SNX29: variants seen among roughly 807,000 people sequenced by gnomAD.
SNX29 encodes the protein sorting nexin-29.
SNX29 carries 78 observed loss-of-function variants against 102.1 expected under a neutral mutation model. The observed-to-expected ratio is 0.76, with a 90% CI of 0.64 to 0.92. The LOEUF (loss-of-function observed/expected upper bound fraction) is 0.92. Among genes scored for constraint, SNX29 ranks in the 40% least tolerant of loss-of-function variants. SNX29 has a pLI of 0.00. For missense variants in SNX29, 1,280 were observed against 1,061.7 expected (o/e 1.21, Z -2.86); for synonymous variants, 580 against 414.5 (o/e 1.40, Z -4.85).
rs1416648890 is a variant in SNX29, at chr16:12,291,356, C to G, written c.1782+13320C>G. ...CAGCAAAGAGAAAGAGCTTGTGCAGCCCCTTATACAACTGTCAGATCTCGT... is the reference window on the plus strand; with the variant it reads ...CAGCAAAGAGAAAGAGCTTGTGCAGGCCCTTATACAACTGTCAGATCTCGT... On this transcript the variant is annotated intron_variant, in intron 15 of 20. Transcript: ENST00000566228. Among the ~76,000 whole-genome samples, 3 of 152,300 alleles carry G rather than the reference C, an allele frequency of 2.0e-5. No homozygotes were observed. The East Asian group carries it at 5.8e-4, about 29-fold the overall frequency.
chr16:12,189,499 G>A (rs1436583734), intron 13 of SNX29, among the ~76,000 whole-genome samples: 2 of 152,176 alleles, frequency 1.3e-5, no homozygotes, highest in Non-Finnish European at 2.9e-5. Flanking sequence ...GAATGTTGCA[G>A]AGGCGATGCA....
chr16:12,251,343 A>G (rs899988842), intron 14 of SNX29, among the ~76,000 whole-genome samples: 23 of 152,074 alleles, frequency 1.5e-4, no homozygotes, highest in Non-Finnish European at 7.4e-5. Context: ...AATATTATTG[A>G]CCCTCAGTGG....
At position 12,568,683 on chromosome 16, in the gene SNX29, C is replaced by G. The variant is rs570250100; in HGVS notation, c.*54C>G. On this transcript the variant is annotated 3_prime_UTR_variant, in exon 21 of 21. Transcript: ENST00000566228. ...GTGCGTGGCACCAGCTGCGTCCACC[C>G]CAGCCACTGCCGCTGGCCCCTCACC... 14 of 1,583,364 alleles carry G rather than the reference C, an allele frequency of 8.8e-6. No homozygotes were observed. The East Asian group carries it at 2.7e-4, about 31-fold the overall frequency.
At chr16:12,204,268 T>A (rs1268659478) in intron 14 of SNX29, among the ~76,000 whole-genome samples, 1 of 152,180 alleles carries the variant, frequency 6.6e-6, no homozygotes, top group Non-Finnish European at 1.5e-5. Flanking sequence ...TCCGCCAGCC[T>A]CCCCTGCTCC....
At chr16:12,241,692 C>T (rs2078109826) in intron 14 of SNX29, among the ~76,000 whole-genome samples, 1 of 152,146 alleles carries the variant, frequency 6.6e-6, no homozygotes, top group Admixed American at 6.5e-5. Context: ...AAACTCCTGA[C>T]CTCAAGTGAT....
chr16:12,020,127 CT>C (rs879703434), intron 3 of SNX29, among the ~76,000 whole-genome samples: 316 of 144,692 alleles, frequency 2.2e-3, no homozygotes, highest in Non-Finnish European at 2.1e-3. Flanking sequence ...AGTTTCTAAA[CT>C]TTTTTTTTTT....
intron 15 of SNX29, among the ~76,000 whole-genome samples, chr16:12,344,194 A>G (rs938364321): frequency 2.6e-5 from 4 of 152,176 alleles, no homozygotes; most frequent in Admixed American, 6.5e-5. Flanking sequence ...CTTTTTCTTT[A>G]TAAATTACCC....
At chr16:12,359,870 C>A (rs939143512) in intron 16 of SNX29, among the ~76,000 whole-genome samples, 3 of 152,162 alleles carry the variant, frequency 2.0e-5, no homozygotes, top group Non-Finnish European at 4.4e-5. Context: ...ATCGCCCAGG[C>A]TGGAGTGCAG....
intron 18 of SNX29, among the ~76,000 whole-genome samples, chr16:12,465,130 C>A (rs960057335): frequency 6.6e-6 from 1 of 152,152 alleles, no homozygotes; most frequent in African/African-American, 2.4e-5. Context: ...ATATTAACCC[C>A]TTATCAGATA....
intron 3 of SNX29, among the ~76,000 whole-genome samples, chr16:12,017,207 A>G (rs1013367718): frequency 1.3e-5 from 2 of 152,226 alleles, no homozygotes; most frequent in African/African-American, 4.8e-5. Context: ...CCTATTGGCA[A>G]TACCTATTTC....
chr16:12,099,796 C>T (rs1049375002), intron 11 of SNX29, among the ~76,000 whole-genome samples: 4 of 152,074 alleles, frequency 2.6e-5, no homozygotes, highest in African/African-American at 7.2e-5. Flanking sequence ...GGGTGCTAGC[C>T]CACCTCCCTC....
At chr16:12,480,143 T>G (rs1180969052) in intron 19 of SNX29, among the ~76,000 whole-genome samples, 2 of 152,170 alleles carry the variant, frequency 1.3e-5, no homozygotes, top group Non-Finnish European at 2.9e-5. Context: ...TGTGTTAGTT[T>G]CCTCTTACTG....
intron 20 of SNX29, among the ~76,000 whole-genome samples, chr16:12,558,996 C>G (rs546699582): frequency 3.1e-4 from 47 of 152,304 alleles, no homozygotes; most frequent in East Asian, 2.1e-3. Flanking sequence ...GAAATTTACA[C>G]AGTTATGGGG....
intron 13 of SNX29, among the ~76,000 whole-genome samples, chr16:12,197,802 C>T (rs189719966): frequency 7.9e-5 from 12 of 151,634 alleles, no homozygotes; most frequent in Admixed American, 2.0e-4. Context: ...TGGAGATGAA[C>T]GTCGAGTTCT....
intron 13 of SNX29, among the ~76,000 whole-genome samples, chr16:12,184,735 G>A (rs1016727854): frequency 2.6e-5 from 4 of 152,232 alleles, no homozygotes; most frequent in Admixed American, 2.6e-4. Context: ...AATGCCTTCT[G>A]TAGTTCTCAT....
At chr16:12,325,883 G>T (rs1255085546) in intron 15 of SNX29, among the ~76,000 whole-genome samples, 1 of 152,016 alleles carries the variant, frequency 6.6e-6, no homozygotes, top group East Asian at 2.0e-4. Context: ...AAAGCTATTA[G>T]TTGGGTGTGG....
intron 18 of SNX29, among the ~76,000 whole-genome samples, chr16:12,408,386 G>A (rs1001746452): frequency 3.3e-5 from 5 of 152,236 alleles, no homozygotes; most frequent in South Asian, 2.1e-4. Flanking sequence ...CCACATCCAA[G>A]AGCCAGGCTG....
chr16:12,540,664 C>A (rs558408685), intron 20 of SNX29, among the ~76,000 whole-genome samples: 1 of 152,200 alleles, frequency 6.6e-6, no homozygotes, highest in South Asian at 2.1e-4. Context: ...CTGAATGTAA[C>A]CACAGCTGCT....
chr16:12,157,553 T>C (rs1197658455), intron 13 of SNX29, among the ~76,000 whole-genome samples: 1 of 152,214 alleles, frequency 6.6e-6, no homozygotes, highest in Non-Finnish European at 1.5e-5. Flanking sequence ...TGTAGCACCA[T>C]GTAAAGGGTC....
Sources: gnomAD v4.1 joint callset for allele counts (sites outside exome capture counted in the v4.1 genomes callset) on GRCh38, gnomAD v4.1.1 for gene constraint, MANE v1.5 for transcripts, NCBI Gene and HGNC (gene_info 2026-07-23, HGNC 2026-07-21) for gene names.